The following TARDBP variants were observed in gnomAD, a reference collection of about 807,000 sequenced individuals.
TARDBP encodes TAR DNA binding protein, also known as TAR DNA-binding protein 43.
Under a neutral mutation model 38.3 loss-of-function variants are expected in TARDBP, and 4 were observed. The ratio of observed to expected loss-of-function variants is 0.10; its 90% CI spans 0.05 to 0.24. The LOEUF (loss-of-function observed/expected upper bound fraction) is 0.24. Ranked by LOEUF, TARDBP falls within the 10% of genes least tolerant of loss-of-function variation. The pLI is 1.00. For missense variants in TARDBP, 202 were observed against 521.9 expected (o/e 0.39, Z 5.97); for synonymous variants, 184 against 183.8 (o/e 1.00, Z -0.01).
chr1:11,015,199 T>C (rs1479787940), intron 2 of TARDBP, among the ~76,000 whole-genome samples: 5 of 151,990 alleles, frequency 3.3e-5, no homozygotes, highest in African/African-American at 1.2e-4. Context: ...AAATTTAAAA[T>C]GTCAGGCTCG....
At chr1:11,026,849 C>G, downstream of TARDBP, 1 of 1,453,042 alleles carries the variant, frequency 6.9e-7, no homozygotes, top group Non-Finnish European at 9.1e-7. Flanking sequence ...ACAGGCATTT[C>G]TAAAAATGAA....
At chr1:11,021,011 C>G (rs1016453570) in intron 5 of TARDBP, among the ~76,000 whole-genome samples, 1 of 152,166 alleles carries the variant, frequency 6.6e-6, no homozygotes. Flanking sequence ...CCTTGTAAGA[C>G]GTAGGGTGTA....
At chr1:11,017,117 C>A in intron 3 of TARDBP, 110 bp downstream of exon 3, 1 of 1,238,980 alleles carries the variant, frequency 8.1e-7, no homozygotes, top group Non-Finnish European at 1.2e-6. Context: ...TAGGTTCTGG[C>A]GTCAAACTCC....
chr1:11,022,204 T>A lies in TARDBP; in HGVS notation c.795T>A (p.Asn265Lys). The A allele has an allele frequency of 6.2e-7, 1 of 1,613,930 alleles. No individual in the cohort carries two copies. The highest frequency in any genetic ancestry group is 8.5e-7 in the Non-Finnish European group (1 of 1,179,864). Residue 265 changes from asparagine to lysine, a missense_variant, in exon 6 of 6, where the codon AAT becomes AAA. By Grantham distance (94) the Asn-to-Lys change is moderately conservative (BLOSUM62 0). This residue lies in a region of TARDBP where 107 missense variants were observed against 190.5 expected (regional missense o/e 0.56). Coordinates refer to ENST00000240185, the MANE Select transcript of TARDBP (RefSeq NM_007375.4). This position sits in a 1 kb window ranked among gnomAD's most constrained non-coding sequence, Gnocchi z 4.5. ...TATCCAATGCCGAACCTAAGCACAATAGCAATAGACAGTTAGAAAGAAGTG... is the reference window on the plus strand; with the variant it reads ...TATCCAATGCCGAACCTAAGCACAAAAGCAATAGACAGTTAGAAAGAAGTG... ...VHISNAEPKH[N>K]SNRQLERSGR...
Position 11,024,889 on chromosome 1 carries a change from A to T in TARDBP, c.*2235A>T, listed in dbSNP as rs994942179. ...GTGATATTTGTTGTGTTGGTAGTTT[A>T]CCTAATGCCCTTACCTAATTAGATT... is the stretch of plus-strand genomic sequence containing the variant. On this transcript the variant is annotated 3_prime_UTR_variant, in exon 6 of 6. Transcript: ENST00000240185. The T allele has an allele frequency of 3.3e-5, 5 of 152,570 alleles. No homozygotes were observed. The highest frequency in any genetic ancestry group is 4.4e-5 in the Non-Finnish European group (3 of 68,038). 9.5% of individuals were successfully genotyped at this position (152,570 alleles called of 1,614,324 possible). A position where few individuals can be genotyped will look rare whatever the true frequency, so the allele number is the denominator to read the frequency against.
chr1:11,022,779 T>C lies in TARDBP; in HGVS notation c.*125T>C, dbSNP rs1643666889. Reference sequence around the variant, plus strand: ...CAAAATTGGTTTGTTCAGTGTGGAGTATATTCAGCAGTATTTTTGACATTT... The same window carrying C: ...CAAAATTGGTTTGTTCAGTGTGGAGCATATTCAGCAGTATTTTTGACATTT... On this transcript the variant is annotated 3_prime_UTR_variant, in exon 6 of 6. Coordinates refer to ENST00000240185, the MANE Select transcript of TARDBP (RefSeq NM_007375.4). The surrounding 1 kb of genome is among the most constrained non-coding windows in gnomAD (Gnocchi z 4.5). The C allele has an allele frequency of 1.4e-6, 2 of 1,453,860 alleles. No homozygotes were observed. Among genetic ancestry groups the C allele is most frequent in the Admixed American group, 5.4e-5 (2 of 37,090 alleles). The allele number at this position is 1,453,860 out of a possible 1,614,324, so 90.1% of individuals were successfully genotyped here.
chr1:11,024,871 TTGTTG>T lies in TARDBP; in HGVS notation c.*2223_*2227del, dbSNP rs1430985285. The T allele has an allele frequency of 6.6e-6, 1 of 152,666 alleles. No individual in the cohort carries two copies. The highest frequency in any genetic ancestry group is 1.5e-5 in the Non-Finnish European group (1 of 68,044). 9.5% of individuals were successfully genotyped at this position (152,666 alleles called of 1,614,324 possible). ...TTTTCTAGTTGGAAGAATGTGATAT[TTGTTG>T]TGTTGGTAGTTTACCTAATGCCCTT... On this transcript the variant is annotated 3_prime_UTR_variant, in exon 6 of 6. Coordinates refer to ENST00000240185, the MANE Select transcript of TARDBP (RefSeq NM_007375.4).
At chr1:11,018,090 G>T (rs973075971) in intron 3 of TARDBP, among the ~76,000 whole-genome samples, 2 of 151,506 alleles carry the variant, frequency 1.3e-5, no homozygotes, top group African/African-American at 4.9e-5. Context: ...CACCGTGTTA[G>T]GCAGGATGGT....
intron 5 of TARDBP, among the ~76,000 whole-genome samples, 184 bp downstream of exon 5, chr1:11,020,783 G>A (rs1019851945): frequency 2.6e-5 from 4 of 151,802 alleles, no homozygotes; most frequent in Non-Finnish European, 4.4e-5. Context: ...GTGTGGTGGT[G>A]CACGCCTGTG....
intron 2 of TARDBP, among the ~76,000 whole-genome samples, chr1:11,015,311 C>A (rs1007053091): frequency 6.6e-6 from 1 of 151,518 alleles, no homozygotes; most frequent in African/African-American, 2.4e-5. Context: ...CATGGTGAAA[C>A]CCTGTCTCTA....
downstream of TARDBP, chr1:11,026,864 C>G: frequency 6.8e-7 from 1 of 1,466,796 alleles, no homozygotes; most frequent in Non-Finnish European, 9.0e-7. Flanking sequence ...AATGAAGAAT[C>G]CTTGACTGCA....
intron 3 of TARDBP, among the ~76,000 whole-genome samples, chr1:11,017,496 C>T (rs112191596): frequency 0.035 from 5,258 of 152,044 alleles, 200 homozygotes; most frequent in East Asian, 0.18. Context: ...CCACCGCGCC[C>T]GGCCACATTC....
At chr1:11,027,634 CTGAT>C, downstream of TARDBP, 2 of 1,604,786 alleles carry the variant, frequency 1.2e-6, no homozygotes, top group Non-Finnish European at 1.7e-6. Flanking sequence ...GTTGTGCGGG[CTGAT>C]AGTCCACAAA....
Position 11,022,997 on chromosome 1 carries a change from G to A in TARDBP, c.*343G>A, listed in dbSNP as rs555353123. On this transcript the variant is annotated 3_prime_UTR_variant, in exon 6 of 6. Transcript: ENST00000240185. The surrounding 1 kb of genome is among the most constrained non-coding windows in gnomAD (Gnocchi z 4.5). ...AGTGAATTCTTTGCATGTTCAAAAC[G>A]GAAACCATTGATTAGAACTACATTC... The A allele has an allele frequency of 9.0e-4, 1,259 of 1,397,554 alleles. 3 individuals are homozygous for A. The highest frequency in any genetic ancestry group is 8.7e-4 in the Non-Finnish European group (929 of 1,073,204). 86.6% of individuals were successfully genotyped at this position (1,397,554 alleles called of 1,614,324 possible). A position where few individuals can be genotyped will look rare whatever the true frequency, so the allele number is the denominator to read the frequency against.
At chr1:11,030,405 C>G (rs1169967895), downstream of TARDBP, 1 of 609,144 alleles carries the variant, frequency 1.6e-6, no homozygotes, top group Non-Finnish European at 2.9e-6. Flanking sequence ...AATAGGAGGT[C>G]TCTGCATTAC....
chr1:11,027,584 A>G (rs1308754830), downstream of TARDBP: 2 of 1,614,186 alleles, frequency 1.2e-6, no homozygotes, highest in East Asian at 4.5e-5. Context: ...AAGGAAAATC[A>G]CCAGGTTTTG....
At chr1:11,027,518 G>A, downstream of TARDBP, 1 of 1,614,160 alleles carries the variant, frequency 6.2e-7, no homozygotes, top group Non-Finnish European at 8.5e-7. Context: ...TTAGGACCCA[G>A]TTGTCATATA....
chr1:11,022,730 A>C lies in TARDBP; in HGVS notation c.*76A>C. The stretch of plus-strand genomic sequence containing the variant: ...CTAAACTCATGGTAAGTATATTGTA[A>C]AATACATATGTACTAAGAATTTTCA... On this transcript the variant is annotated 3_prime_UTR_variant, in exon 6 of 6. Transcript: ENST00000240185. The surrounding 1 kb of genome is among the most constrained non-coding windows in gnomAD (Gnocchi z 4.5). The C allele has an allele frequency of 6.5e-7, 1 of 1,546,846 alleles. No homozygotes were observed. The highest frequency in any genetic ancestry group is 8.7e-7 in the Non-Finnish European group (1 of 1,148,262).
chr1:11,027,236 T>G (rs762221857), downstream of TARDBP: 8 of 1,614,140 alleles, frequency 5.0e-6, no homozygotes, highest in African/African-American at 9.3e-5. Context: ...CCCATCCAGA[T>G]GCAGTTCCAA....
Sources: allele counts gnomAD v4.1 joint callset (sites outside exome capture counted in the v4.1 genomes callset), GRCh38; gene constraint gnomAD v4.1.1; regional missense constraint gnomAD v4.1.1; non-coding constraint Gnocchi (gnomAD v3.1); transcripts MANE v1.5; gene names NCBI Gene and HGNC (gene_info 2026-07-23, HGNC 2026-07-21).